The following TULP2 variants were observed in gnomAD, a reference collection of about 807,000 sequenced individuals.
The protein encoded by TULP2 is tubby-related protein 2.
A neutral mutation model predicts 60.3 loss-of-function variants in TULP2; 64 were observed. That is an observed-to-expected ratio of 1.06 (90% CI 0.87 to 1.31). The LOEUF is 1.31. TULP2 is among the 50% of genes most tolerant of loss of function. TULP2 has a pLI of 0.00. For missense variants in TULP2, 652 were observed against 667.0 expected, an observed-to-expected ratio of 0.98 and a Z score of 0.25; for synonymous variants, 267 against 265.4, an observed-to-expected ratio of 1.01 and a Z score of -0.06.
chr19:48,883,133 G>T (rs1368892576), intron 11 of TULP2, among the ~76,000 whole-genome samples: 5 of 151,876 alleles, frequency 3.3e-5, no homozygotes, highest in Non-Finnish European at 7.4e-5. Context: ...GCAGGAGAAT[G>T]GCGTGAGCCG....
Position 48,883,869 on chromosome 19 carries a change from C to G in TULP2, c.1177-17G>C, listed in dbSNP as rs1357432160. 1.2e-6 allele frequency: 2 copies of G among 1,614,050 alleles called. No individual in the cohort carries two copies. On this transcript the variant is annotated splice_polypyrimidine_tract_variant and intron_variant, in intron 10 of 12. Transcript: ENST00000221399. ...GTTGGGCTCCTGGGGGTATTACATT[C>G]CAGTTGGCCTGGTTCCTTCTTCTGA...
chr19:48,882,873 G>C (rs928613569), intron 11 of TULP2, among the ~76,000 whole-genome samples: 6 of 152,174 alleles, frequency 3.9e-5, no homozygotes, highest in Non-Finnish European at 7.3e-5. Flanking sequence ...CTTTATTATG[G>C]CTAACAGATA....
rs549692428 is a variant in TULP2 at position 48,886,298 on chromosome 19, C to CAA, written c.949-740_949-739dup. ...TGGGCGACAGAGCAAGACTACGTCTCAAAAAAAAAAAAAAAAGACTTACTG... is the reference window on the plus strand; with the variant it reads ...TGGGCGACAGAGCAAGACTACGTCTCAAAAAAAAAAAAAAAAAAGACTTACTG... On this transcript the variant is annotated intron_variant, in intron 8 of 12. Coordinates refer to ENST00000221399, the MANE Select transcript of TULP2 (RefSeq NM_003323.3). 4.6e-3 allele frequency among the ~76,000 whole-genome samples: 449 copies of CAA among 96,714 alleles called. 2 individuals carry two copies. Among genetic ancestry groups the CAA allele is most frequent in the Middle Eastern group, 0.017 (3 of 180 alleles). The allele number at this position is 96,714 out of a possible 152,430, so 63.4% of individuals were successfully genotyped here.
intron 6 of TULP2, among the ~76,000 whole-genome samples, chr19:48,893,372 G>GAAA (rs377709619): frequency 1.1e-5 from 1 of 91,926 alleles, no homozygotes; most frequent in African/African-American, 4.0e-5. Flanking sequence ...TCTGCCTCAA[G>GAAA]AAAAAAAAAA....
intron 12 of TULP2, among the ~76,000 whole-genome samples, chr19:48,881,416 C>A (rs1390362623): frequency 7.5e-6 from 1 of 133,946 alleles, no homozygotes; most frequent in African/African-American, 2.9e-5. Context: ...GAGTCTCGCT[C>A]TGTTGCCCAG....
At position 48,887,311 on chromosome 19, in the gene TULP2, C is replaced by CTTTTTTTTTTTTTTTTTTTTTTT. The variant is rs58640342; in HGVS notation, c.948+616_948+638dup. ...CAAGTGTGAGCCACCGCGCCCAGCC[C>CTTTTTTTTTTTTTTTTTTTTTTT]TTTTTTTTTTTTTTTTTTTTTTTTT... On this transcript the variant is annotated intron_variant, in intron 8 of 12. Transcript: ENST00000221399. Among the ~76,000 whole-genome samples, 47 of 39,374 alleles carry CTTTTTTTTTTTTTTTTTTTTTTT rather than the reference C, an allele frequency of 1.2e-3. 8 individuals carry two copies. Among genetic ancestry groups the CTTTTTTTTTTTTTTTTTTTTTTT allele is most frequent in the East Asian group, 3.5e-3 (4 of 1,140 alleles). 25.8% of individuals were successfully genotyped at this position (39,374 alleles called of 152,430 possible). A position where few individuals can be genotyped will look rare whatever the true frequency, so the allele number is the denominator to read the frequency against.
At chr19:48,881,993 C>T (rs746043320) in intron 12 of TULP2, 39 bp downstream of exon 12, 1 of 1,614,100 alleles carries the variant, frequency 6.2e-7, no homozygotes, top group South Asian at 1.1e-5. Context: ...CTAACCCCCA[C>T]CCCACCTGGC....
Position 48,888,939 on chromosome 19 carries a change from G to A in TULP2, c.636+571C>T, listed in dbSNP as rs145717181. Among the ~76,000 whole-genome samples the A allele has an allele frequency of 7.2e-3, 1,072 of 148,080 alleles. 14 individuals carry two copies. Among genetic ancestry groups the A allele is most frequent in the African/African-American group, 0.026 (1,027 of 40,164 alleles). On this transcript the variant is annotated intron_variant, in intron 7 of 12. Coordinates refer to ENST00000221399, the MANE Select transcript of TULP2 (RefSeq NM_003323.3). ...TCCTGGCCTGCAACTGGCCCTTTTC[G>A]ATCAGTGTTCTGCCCTTTCTGAAGC...
In TULP2 at chr19:48,895,396, G is replaced by T; in HGVS notation, c.319C>A (p.Arg107Ser). The T allele has an allele frequency of 6.2e-7, 1 of 1,613,892 alleles. No homozygotes were observed. The highest frequency in any genetic ancestry group is 8.5e-7 in the Non-Finnish European group (1 of 1,179,886). Residue 107 changes from arginine (R) to serine (S), a missense_variant, in exon 5 of 13, where the codon CGC (arginine) becomes AGC (serine). Physicochemically the swap from Arg to Ser is moderately radical, Grantham distance 110. Transcript: ENST00000221399. ...TCTGTCCGCGGTGTCGGGAGGCCGC[G>T]CTCGCCCCTGCCGTCTCCACCACAG... ...VSCGGDGRGERGLPTPRTEAV... is the reference protein window; with the variant it reads ...VSCGGDGRGESGLPTPRTEAV...
In TULP2 at chr19:48,895,411, C is replaced by T. The variant is rs905865523; in HGVS notation, c.304G>A (p.Asp102Asn). The change falls in exon 5 of 13, where the codon GAC becomes AAC. Residue 102 changes from aspartate to asparagine, a missense_variant. Transcript: ENST00000221399. ...GGGAGGCCGCGCTCGCCCCTGCCGT[C>T]TCCACCACAGCTCACGGTGCCCAGG... Reference protein sequence around the residue: ...SALGTVSCGGDGRGERGLPTP... With the variant: ...SALGTVSCGGNGRGERGLPTP... 3.7e-6 allele frequency: 6 copies of T among 1,613,930 alleles called. No homozygotes were observed. Among genetic ancestry groups the T allele is most frequent in the Non-Finnish European group, 4.2e-6 (5 of 1,179,992 alleles).
At chr19:48,887,049 C>T (rs2037185943) in intron 8 of TULP2, among the ~76,000 whole-genome samples, 1 of 138,174 alleles carries the variant, frequency 7.2e-6, no homozygotes, top group South Asian at 2.4e-4. Flanking sequence ...TTCGCTCTTT[C>T]ACCCAGGCTG....
chr19:48,894,047 C>A (rs1283759116), intron 6 of TULP2, among the ~76,000 whole-genome samples: 1 of 151,024 alleles, frequency 6.6e-6, no homozygotes, highest in African/African-American at 2.4e-5. Context: ...TTTTTTTTTT[C>A]TTTGAGACAG....
Position 48,888,180 on chromosome 19 carries a change from T to C in TULP2, c.718A>G (p.Lys240Glu). The change falls in exon 8 of 13, where the codon AAG becomes GAG. Residue 240 changes from lysine to glutamate, a missense_variant. Coordinates refer to ENST00000221399, the MANE Select transcript of TULP2 (RefSeq NM_003323.3). Reference sequence around the variant, plus strand: ...GTGCCACCCTCGCCTTTCAGGGCCTTGGACAACTCTTCGTTGTGTGCTGCT... The same window carrying C: ...GTGCCACCCTCGCCTTTCAGGGCCTCGGACAACTCTTCGTTGTGTGCTGCT... ...SSAAHNEELSKALKGEGGTDS... is the reference protein window; with the variant it reads ...SSAAHNEELSEALKGEGGTDS... 1 of 1,614,170 alleles carries C rather than the reference T, an allele frequency of 6.2e-7. No homozygotes were observed. Among genetic ancestry groups the C allele is most frequent in the South Asian group, 1.1e-5 (1 of 91,088 alleles).
At chr19:48,886,266 A>G (rs892475542) in intron 8 of TULP2, among the ~76,000 whole-genome samples, 69 of 151,328 alleles carry the variant, frequency 4.6e-4, no homozygotes, top group Admixed American at 3.4e-3. Context: ...AGATCGCGCC[A>G]CTGCACTGGG....
chr19:48,881,102 C>G lies in TULP2; in HGVS notation c.1472G>C (p.Gly491Ala). 6.2e-7 allele frequency: 1 copy of G among 1,612,988 alleles called. No individual in the cohort carries two copies. The highest frequency in any genetic ancestry group is 8.5e-7 in the Non-Finnish European group (1 of 1,179,388). The change falls in exon 13 of 13, where the codon GGC becomes GCC. Residue 491 changes from glycine to alanine, a missense_variant. Coordinates refer to ENST00000221399, the MANE Select transcript of TULP2 (RefSeq NM_003323.3). ...GGTGAATGTGTCTGGGCCCACTCGG[C>G]CGAACTGGAGCACCAGATGTTCTTC... ...KHQEHLVLQF[G>A]RVGPDTFTMD...
chr19:48,894,181 C>T (rs1447999426), intron 6 of TULP2, among the ~76,000 whole-genome samples: 1 of 151,924 alleles, frequency 6.6e-6, no homozygotes, highest in African/African-American at 2.4e-5. Flanking sequence ...TACAAGCCTG[C>T]ACCCCCTTGC....
In TULP2 at chr19:48,885,310, C is replaced by T. The variant is rs1401065447; in HGVS notation, c.1061+138G>A. Reference sequence around the variant, plus strand: ...AGGAGTCAAATGCCTTAAATGCCAGCCTACGTTCCAAACCCTTCAGTTCTT... The same window carrying T: ...AGGAGTCAAATGCCTTAAATGCCAGTCTACGTTCCAAACCCTTCAGTTCTT... On this transcript the variant is annotated intron_variant, in intron 9 of 12. Transcript: ENST00000221399. 4.6e-6 allele frequency: 3 copies of T among 651,004 alleles called. No individual in the cohort carries two copies. The Admixed American group carries it at 8.9e-5, about 19-fold the overall frequency. 40.3% of individuals were successfully genotyped at this position (651,004 alleles called of 1,614,324 possible).
At chr19:48,895,910 G>A (rs1050277638) in intron 4 of TULP2, among the ~76,000 whole-genome samples, 1 of 151,970 alleles carries the variant, frequency 6.6e-6, no homozygotes, top group African/African-American at 2.4e-5. Context: ...CCTGTTTCGC[G>A]GACCGCCCAA....
chr19:48,896,719 C>T (rs1019600412), intron 3 of TULP2, 163 bp from the exon 4 acceptor site: 10 of 815,026 alleles, frequency 1.2e-5, no homozygotes, highest in Non-Finnish European at 1.8e-5. Flanking sequence ...CAGCTCCTCC[C>T]TTATTCCACC....
Sources: gnomAD v4.1 joint callset for allele counts (sites outside exome capture counted in the v4.1 genomes callset) on GRCh38, gnomAD v4.1.1 for gene constraint, MANE v1.5 for transcripts, NCBI Gene and HGNC (gene_info 2026-07-23, HGNC 2026-07-21) for gene names.